SCARB1: variants seen among roughly 807,000 people sequenced by gnomAD.
SCARB1 encodes CD36 and LIMPII analogous 1.
A neutral mutation model predicts 57.2 loss-of-function variants in SCARB1; 30 were observed. The ratio of observed to expected loss-of-function variants is 0.52; its 90% CI spans 0.39 to 0.71. SCARB1 has a LOEUF of 0.71. SCARB1 is among the 30% of genes least tolerant of loss of function. SCARB1 has a pLI of 0.00. For synonymous variants in SCARB1, 249 were observed against 268.3 expected (o/e 0.93, Z 0.70); for missense variants, 543 against 671.2 (o/e 0.81, Z 2.11).
rs1043474498 is a variant in SCARB1 at position 124,811,939 on chromosome 12, G to A, written c.657C>T (p.Phe219=). The A allele has an allele frequency of 6.2e-7, 1 of 1,613,234 alleles. No homozygotes were observed. The highest frequency in any genetic ancestry group is 8.5e-7 in the Non-Finnish European group (1 of 1,179,634). The change falls in exon 5 of 13, where the codon TTC becomes TTT. Residue 219 remains phenylalanine (F), a synonymous_variant. Transcript: ENST00000261693. ...TGTTCTGGACCCCCGTGAACACCGT[G>A]AAGAGCCCAGAGTCGGAGTTGTTGA... ...AELNNSDSGL[F]TVFTGVQNIS... is the part of the protein sequence containing the mutation.
intron 1 of SCARB1, among the ~76,000 whole-genome samples, chr12:124,827,530 G>C (rs190182332): frequency 1.3e-5 from 2 of 152,124 alleles, no homozygotes; most frequent in African/African-American, 2.4e-5. Context: ...CTTTTCTCCT[G>C]TCTTATAAAC....
intron 1 of SCARB1, among the ~76,000 whole-genome samples, chr12:124,852,434 C>T (rs1013163146): frequency 3.3e-5 from 5 of 152,144 alleles, no homozygotes; most frequent in Admixed American, 6.5e-5. Context: ...GAGGGAGGCC[C>T]GGAGAAACAC....
intron 1 of SCARB1, among the ~76,000 whole-genome samples, chr12:124,837,594 A>AAAAGAAAAGAAAAGAAAAG (rs140213588): frequency 0.017 from 652 of 39,024 alleles, 43 homozygotes; most frequent in East Asian, 0.089. Context: ...AAAAGAAAAG[A>AAAAGAAAAGAAAAGAAAAG]AAAGTCAGCC....
intron 12 of SCARB1, among the ~76,000 whole-genome samples, chr12:124,778,958 T>G (rs1211682667): frequency 6.6e-6 from 1 of 152,092 alleles, no homozygotes; most frequent in East Asian, 1.9e-4. Flanking sequence ...GTTGATTTAT[T>G]TTTTATTTTT....
chr12:124,805,906 T>G (rs1419959482), intron 7 of SCARB1, among the ~76,000 whole-genome samples: 2 of 151,876 alleles, frequency 1.3e-5, no homozygotes, highest in Non-Finnish European at 2.9e-5. Flanking sequence ...CTGTCGGGAG[T>G]GCTACAGAAC....
At chr12:124,787,135 A>G (rs945587685) in intron 10 of SCARB1, among the ~76,000 whole-genome samples, 3 of 152,238 alleles carry the variant, frequency 2.0e-5, no homozygotes, top group Non-Finnish European at 4.4e-5. Flanking sequence ...ATATGCCCCA[A>G]CAAAATTATT....
intron 1 of SCARB1, among the ~76,000 whole-genome samples, chr12:124,834,269 A>G (rs1394881522): frequency 2.0e-5 from 3 of 152,058 alleles, no homozygotes; most frequent in African/African-American, 7.2e-5. Flanking sequence ...GGTCAGAACC[A>G]CTCCAGGGTC....
intron 1 of SCARB1, among the ~76,000 whole-genome samples, chr12:124,825,314 T>C (rs940634836): frequency 1.4e-5 from 2 of 146,048 alleles, no homozygotes; most frequent in Non-Finnish European, 3.0e-5. Context: ...GTTTGAAAAC[T>C]CTGCCCTAGA....
intron 9 of SCARB1, among the ~76,000 whole-genome samples, chr12:124,790,816 C>T (rs1282968577): frequency 1.3e-5 from 2 of 152,232 alleles, no homozygotes; most frequent in East Asian, 1.9e-4. Flanking sequence ...TGTGCAGGCA[C>T]GTGCTCACGT....
intron 9 of SCARB1, among the ~76,000 whole-genome samples, 174 bp from the exon 10 acceptor site, chr12:124,787,631 TC>T (rs1949571287): frequency 6.6e-6 from 1 of 152,046 alleles, no homozygotes; most frequent in South Asian, 2.1e-4. Flanking sequence ...GACAAAACTG[TC>T]CCCAGGCTGA....
chr12:124,797,418 C>A (rs1024924246), intron 8 of SCARB1, among the ~76,000 whole-genome samples: 4 of 152,080 alleles, frequency 2.6e-5, no homozygotes, highest in Non-Finnish European at 5.9e-5. Context: ...TAAAGGCCAA[C>A]AGGCAGCAAG....
chr12:124,783,928 T>C (rs1327705889), intron 11 of SCARB1: 1 of 152,230 alleles, frequency 6.6e-6, no homozygotes, highest in African/African-American at 2.4e-5. Flanking sequence ...ATCGTAGCAT[T>C]CTTACTGGAT....
chr12:124,813,835 A>C (rs1423316359), intron 4 of SCARB1, among the ~76,000 whole-genome samples: 1 of 152,096 alleles, frequency 6.6e-6, no homozygotes, highest in Admixed American at 6.6e-5. Flanking sequence ...TTGGCTCCGA[A>C]GCCCAGTCAG....
chr12:124,829,535 C>G (rs752668232), intron 1 of SCARB1, among the ~76,000 whole-genome samples: 1 of 145,176 alleles, frequency 6.9e-6, no homozygotes, highest in African/African-American at 2.5e-5. Context: ...TCTCCTCCCC[C>G]ATTCCTATCT....
At chr12:124,781,700 AAC>A (rs1425367599) in intron 12 of SCARB1, among the ~76,000 whole-genome samples, 1 of 152,170 alleles carries the variant, frequency 6.6e-6, no homozygotes, top group African/African-American at 2.4e-5. Flanking sequence ...ATTGCACAGG[AAC>A]ACAATAAAAA....
Position 124,817,134 on chromosome 12 carries a change from ATGTGTATGTGTATGTG to A in SCARB1, c.284+400_284+415del, listed in dbSNP as rs1262599608. Among the ~76,000 whole-genome samples, 1 of 39,138 alleles carries A rather than the reference ATGTGTATGTGTATGTG, an allele frequency of 2.6e-5. No individual in the cohort carries two copies. Among genetic ancestry groups the A allele is most frequent in the Non-Finnish European group, 8.9e-5 (1 of 11,294 alleles). 25.7% of individuals were successfully genotyped at this position (39,138 alleles called of 152,430 possible). On this transcript the variant is annotated intron_variant, in intron 2 of 12. Coordinates refer to ENST00000261693, the MANE Select transcript of SCARB1 (RefSeq NM_005505.5). The surrounding 1 kb of genome is among the most constrained non-coding windows in gnomAD (Gnocchi z 4.8). ...TACGTGTGTATGTATGTATGTGTGT[ATGTGTATGTGTATGTG>A]TGTGTATGTATGTGTGTAACTCACA...
intron 9 of SCARB1, among the ~76,000 whole-genome samples, chr12:124,794,374 A>G (rs1949852658): frequency 6.6e-6 from 1 of 151,920 alleles, no homozygotes; most frequent in South Asian, 2.1e-4. Flanking sequence ...AAAAATCAAA[A>G]AGAGGAAATC....
Position 124,817,353 on chromosome 12 carries a change from T to TAAAAAAAAAAA in SCARB1, c.284+186_284+196dup, listed in dbSNP as rs60063887. Among the ~76,000 whole-genome samples, 1 of 68,774 alleles carries TAAAAAAAAAAA rather than the reference T, an allele frequency of 1.5e-5. No homozygotes were observed. Among genetic ancestry groups the TAAAAAAAAAAA allele is most frequent in the Non-Finnish European group, 2.7e-5 (1 of 37,542 alleles). The allele number at this position is 68,774 out of a possible 152,430, so 45.1% of individuals were successfully genotyped here. On this transcript the variant is annotated intron_variant, in intron 2 of 12. Coordinates refer to ENST00000261693, the MANE Select transcript of SCARB1 (RefSeq NM_005505.5). The surrounding 1 kb of genome is among the most constrained non-coding windows in gnomAD (Gnocchi z 4.8). ...GGGCAACATAGCAAGATCCCATCTC[T>TAAAAAAAAAAA]AAAAAAAAAAAAAAAAAAAAAAAAA...
At position 124,800,615 on chromosome 12, in the gene SCARB1, T is replaced by C. The variant is rs1235507859; in HGVS notation, c.1010-373A>G. ...CACAAGGGTGCTAGGGAGGCACGGA[T>C]GGAAAAGGCAACGCCAGATTTGAAC... On this transcript the variant is annotated intron_variant, in intron 7 of 12. Transcript: ENST00000261693. The surrounding 1 kb of genome is among the most constrained non-coding windows in gnomAD (Gnocchi z 4.8). Among the ~76,000 whole-genome samples, 3 of 151,950 alleles carry C rather than the reference T, an allele frequency of 2.0e-5. No homozygotes were observed. The highest frequency in any genetic ancestry group is 7.3e-5 in the African/African-American group (3 of 41,342).
Sources: gnomAD v4.1 joint callset for allele counts (sites outside exome capture counted in the v4.1 genomes callset) on GRCh38, gnomAD v4.1.1 for gene constraint, Gnocchi (gnomAD v3.1) non-coding constraint, MANE v1.5 for transcripts, NCBI Gene and HGNC (gene_info 2026-07-23, HGNC 2026-07-21) for gene names.